Variants in ZGRF1 observed in about 807,000 individuals in gnomAD.
ZGRF1 encodes 5'-3' DNA helicase ZGRF1.
ZGRF1 carries 196 observed loss-of-function variants against 203.5 expected under a neutral mutation model. The observed-to-expected ratio is 0.96, with a 90% CI of 0.86 to 1.08. The LOEUF (loss-of-function observed/expected upper bound fraction) is 1.08, where lower values mean the gene tolerates loss of function less well. Among genes scored for constraint, ZGRF1 ranks in the 50% least tolerant of loss-of-function variants. ZGRF1 has a pLI of 0.00. For synonymous variants in ZGRF1, 809 were observed against 841.3 expected (o/e 0.96, Z 0.66); for missense variants, 2,326 against 2,416.3 (o/e 0.96, Z 0.78).
At chr4:112,622,081 C>T (rs1403498279) in intron 4 of ZGRF1, among the ~76,000 whole-genome samples, 1 of 152,032 alleles carries the variant, frequency 6.6e-6, no homozygotes, top group Non-Finnish European at 1.5e-5. Context: ...AGACCATATA[C>T]TAAGATACTG....
chr4:112,585,761 T>A, intron 13 of ZGRF1, 36 bp from the exon 14 acceptor site: 1 of 1,482,628 alleles, frequency 6.7e-7, no homozygotes, highest in African/African-American at 1.4e-5. Flanking sequence ...GAAAATTAAA[T>A]ACAAAATAAT....
At chr4:112,606,503 A>G (rs1750796123) in intron 8 of ZGRF1, among the ~76,000 whole-genome samples, 1 of 152,062 alleles carries the variant, frequency 6.6e-6, no homozygotes, top group African/African-American at 2.4e-5. Context: ...CTCTACTAAA[A>G]ATACAAAATT....
Position 112,618,636 on chromosome 4 carries a change from T to A in ZGRF1, c.1406A>T (p.Glu469Val), listed in dbSNP as rs1167086686. The A allele has an allele frequency of 6.2e-7, 1 of 1,613,370 alleles. No individual in the cohort carries two copies. The highest frequency in any genetic ancestry group is 1.3e-5 in the African/African-American group (1 of 75,054). The part of the protein sequence containing the change: ...AQEVNTCGTL[E>V]KEYEQSESSL... ...TGACTCTGATTGTTCATACTCCTTT[T>A]CCAGTGTTCCACATGTATTTACCTC... The change falls in exon 6 of 28, where the codon GAA becomes GTA. Residue 469 changes from glutamate to valine, a missense_variant. Glu to Val is a moderately radical substitution (Grantham distance 121). Transcript: ENST00000505019.
Position 112,619,181 on chromosome 4 carries a change from T to A in ZGRF1, c.861A>T (p.Leu287Phe), listed in dbSNP as rs758064332. 9.9e-6 allele frequency: 16 copies of A among 1,613,520 alleles called. No individual in the cohort carries two copies. The South Asian group carries it at 1.8e-4, about 18-fold the overall frequency. ...HFPQKQPQGS[L>F]KIATKPKYLI... ...GGTACTTTGGTTTAGTAGCAATTTT[T>A]AAACTTCCTTGTGGTTGTTTTTGAG... Residue 287 changes from leucine to phenylalanine, a missense_variant, in exon 6 of 28, where the codon TTA (leucine) becomes TTT (phenylalanine). Coordinates refer to ENST00000505019, the MANE Select transcript of ZGRF1 (RefSeq NM_018392.5).
At chr4:112,619,836 A>G (rs1046713666) in intron 5 of ZGRF1, 146 bp from the exon 6 acceptor site, 12 of 916,330 alleles carry the variant, frequency 1.3e-5, no homozygotes, top group South Asian at 4.0e-5. Flanking sequence ...GTCAAAGTAC[A>G]TTCATTTGTA....
At chr4:112,631,696 T>C (rs907374800) in intron 3 of ZGRF1, among the ~76,000 whole-genome samples, 3 of 152,024 alleles carry the variant, frequency 2.0e-5, no homozygotes, top group African/African-American at 4.8e-5. Context: ...TAAATAACAA[T>C]AGTTACTGTA....
chr4:112,604,618 C>G (rs879507335), intron 9 of ZGRF1, among the ~76,000 whole-genome samples: 1 of 152,122 alleles, frequency 6.6e-6, no homozygotes, highest in Non-Finnish European at 1.5e-5. Context: ...TGTAAAATAT[C>G]AGGCTCAACT....
At chr4:112,543,332 A>C (rs1490273863) in intron 24 of ZGRF1, among the ~76,000 whole-genome samples, 1 of 152,198 alleles carries the variant, frequency 6.6e-6, no homozygotes, top group Non-Finnish European at 1.5e-5. Context: ...GTATGAATCT[A>C]TGAATAATAT....
intron 16 of ZGRF1, among the ~76,000 whole-genome samples, chr4:112,563,522 A>G (rs2148902910): frequency 6.6e-6 from 1 of 152,322 alleles, no homozygotes; most frequent in African/African-American, 2.4e-5. Context: ...CACACAGAAA[A>G]AGACTAAAGA....
intron 10 of ZGRF1, among the ~76,000 whole-genome samples, chr4:112,597,205 C>T (rs562421753): frequency 7.1e-6 from 1 of 140,134 alleles, no homozygotes; most frequent in Non-Finnish European, 1.5e-5. Flanking sequence ...CAGAGCCAAA[C>T]TCCATCTAAA....
chr4:112,581,034 T>C (rs1746144324), intron 16 of ZGRF1, among the ~76,000 whole-genome samples: 1 of 152,018 alleles, frequency 6.6e-6, no homozygotes, highest in African/African-American at 2.4e-5. Flanking sequence ...AACCCAAATG[T>C]CCATCAGTGA....
At chr4:112,593,074 C>CT (rs1261088018) in intron 10 of ZGRF1, among the ~76,000 whole-genome samples, 3 of 152,214 alleles carry the variant, frequency 2.0e-5, no homozygotes, top group African/African-American at 7.2e-5. Flanking sequence ...TGATCTTGGA[C>CT]TTCTAGCTTT....
intron 3 of ZGRF1, among the ~76,000 whole-genome samples, chr4:112,625,761 G>A (rs2047220764): frequency 6.6e-6 from 1 of 151,716 alleles, no homozygotes; most frequent in African/African-American, 2.4e-5. Flanking sequence ...CAGCCTTGGT[G>A]GCACATGCCT....
intron 16 of ZGRF1, among the ~76,000 whole-genome samples, chr4:112,565,766 T>C (rs1361961088): frequency 2.0e-5 from 3 of 152,134 alleles, no homozygotes; most frequent in Non-Finnish European, 2.9e-5. Flanking sequence ...TCACTGGCCA[T>C]CAGAGAAATG....
chr4:112,631,664 T>G (rs2047414374), intron 3 of ZGRF1, among the ~76,000 whole-genome samples: 1 of 152,044 alleles, frequency 6.6e-6, no homozygotes, highest in African/African-American at 2.4e-5. Flanking sequence ...AGAGTAAGAC[T>G]CTGTCTCAAA....
intron 6 of ZGRF1, among the ~76,000 whole-genome samples, chr4:112,616,032 A>G (rs1226760083): frequency 6.6e-6 from 1 of 152,080 alleles, no homozygotes; most frequent in African/African-American, 2.4e-5. Context: ...GTTAATTTAT[A>G]TTTTTCTCAG....
rs575376400 is a variant in ZGRF1 at position 112,633,035 on chromosome 4, C to G, written c.21+121G>C. ...TTGAAATTCAAATTTAACTGAGTAG[C>G]CTGTTTTTTGTTTTGTTTTTGCTAA... On this transcript the variant is annotated intron_variant, in intron 2 of 27. Coordinates refer to ENST00000505019, the MANE Select transcript of ZGRF1 (RefSeq NM_018392.5). 4.8e-6 allele frequency: 4 copies of G among 831,850 alleles called. No homozygotes were observed. In the South Asian group the frequency reaches 5.9e-5, roughly 12 times the overall value. 51.5% of individuals were successfully genotyped at this position (831,850 alleles called of 1,614,324 possible).
intron 11 of ZGRF1, 94 bp from the exon 12 acceptor site, chr4:112,588,023 C>A: frequency 2.7e-6 from 2 of 731,248 alleles, no homozygotes; most frequent in South Asian, 3.5e-5. Flanking sequence ...CAAAATGTAG[C>A]AACTTGCTCT....
chr4:112,613,859 C>G (rs1051162992), intron 6 of ZGRF1, among the ~76,000 whole-genome samples: 18 of 151,954 alleles, frequency 1.2e-4, no homozygotes, highest in African/African-American at 2.9e-4. Flanking sequence ...GTGATAATTA[C>G]GGTAAAAAAT....
Sources: allele counts gnomAD v4.1 joint callset (sites outside exome capture counted in the v4.1 genomes callset), GRCh38; gene constraint gnomAD v4.1.1; transcripts MANE v1.5; gene names NCBI Gene and HGNC (gene_info 2026-07-23, HGNC 2026-07-21).